Variants in LYZL4 observed in about 807,000 individuals in gnomAD.
LYZL4 encodes the protein lysozyme-like protein 4.
LYZL4 carries 13 observed loss-of-function variants against 17.6 expected under a neutral mutation model. The ratio of observed to expected loss-of-function variants is 0.74; its 90% CI spans 0.48 to 1.18. LYZL4 has a LOEUF of 1.18. Among genes scored for constraint, LYZL4 ranks in the 50% most tolerant of loss-of-function variants. The pLI is 0.00. For missense variants in LYZL4, 174 were observed against 188.2 expected, an observed-to-expected ratio of 0.92 and a Z score of 0.44; for synonymous variants, 64 against 67.7, an observed-to-expected ratio of 0.95 and a Z score of 0.27.
At chr3:42,406,070 C>T (rs1453362521) in intron 3 of LYZL4, among the ~76,000 whole-genome samples, 1 of 152,140 alleles carries the variant, frequency 6.6e-6, no homozygotes, top group African/African-American at 2.4e-5. Context: ...CGCCTAAGAG[C>T]AGTGGGCAAG....
the LYZL4 span, among the ~76,000 whole-genome samples, chr3:42,361,610 G>A: frequency 6.6e-6 from 1 of 151,630 alleles, no homozygotes; most frequent in East Asian, 1.9e-4. Context: ...CACACCTGTT[G>A]TTCCAGCTAT....
chr3:42,374,502 T>C, the LYZL4 span, among the ~76,000 whole-genome samples: 2 of 152,234 alleles, frequency 1.3e-5, no homozygotes, highest in African/African-American at 2.4e-5. Context: ...GATGGTTTCA[T>C]GCCAACCAAC....
At chr3:42,377,263 T>A in the LYZL4 span, among the ~76,000 whole-genome samples, 43,140 of 151,984 alleles carry the variant, frequency 0.28, 6,471 homozygotes, top group Non-Finnish European at 0.33. Context: ...GACTATACAA[T>A]CTCCTTTAAC....
the LYZL4 span, among the ~76,000 whole-genome samples, chr3:42,376,181 T>G: frequency 9.2e-5 from 14 of 152,232 alleles, no homozygotes; most frequent in African/African-American, 1.4e-4. Context: ...TGTGCAGAAG[T>G]GCAGAGGCCC....
chr3:42,370,756 A>G, the LYZL4 span, among the ~76,000 whole-genome samples: 1 of 152,308 alleles, frequency 6.6e-6, no homozygotes, highest in Non-Finnish European at 1.5e-5. Context: ...ACATTCTTCT[A>G]ATAAATTCCT....
the LYZL4 span, among the ~76,000 whole-genome samples, chr3:42,387,443 T>C: frequency 6.6e-6 from 1 of 152,178 alleles, no homozygotes; most frequent in Non-Finnish European, 1.5e-5. Context: ...CCTCTCACAG[T>C]AACAGTTTGA....
chr3:42,381,749 A>ATATATATACACTGTATATATATATACAG, the LYZL4 span, among the ~76,000 whole-genome samples: 1 of 152,206 alleles, frequency 6.6e-6, no homozygotes, highest in African/African-American at 2.4e-5. Flanking sequence ...GATCACTGTA[A>ATATATATACACTGTATATATATATACAG]AATATAAAAT....
intron 1 of LYZL4, among the ~76,000 whole-genome samples, chr3:42,408,722 G>A (rs537201057): frequency 6.6e-6 from 1 of 152,114 alleles, no homozygotes; most frequent in Non-Finnish European, 1.5e-5. Flanking sequence ...CCTCCTGTTT[G>A]TCACCGTTCA....
At chr3:42,377,625 CTGTGTG>C in the LYZL4 span, among the ~76,000 whole-genome samples, 3,555 of 143,774 alleles carry the variant, frequency 0.025, 52 homozygotes, top group South Asian at 0.033. Flanking sequence ...GCATGACTCT[CTGTGTG>C]TGTGTGTGTG....
chr3:42,393,719 A>T (rs1377309326), downstream of LYZL4, among the ~76,000 whole-genome samples: 1 of 152,146 alleles, frequency 6.6e-6, no homozygotes. Flanking sequence ...CCTGGACCAC[A>T]TCTCTGGAAA....
chr3:42,389,118 T>C, the LYZL4 span, among the ~76,000 whole-genome samples: 1 of 152,160 alleles, frequency 6.6e-6, no homozygotes, highest in Non-Finnish European at 1.5e-5. Flanking sequence ...CTCCCCTGGG[T>C]GGTGGGAGCC....
At chr3:42,385,268 T>C in the LYZL4 span, among the ~76,000 whole-genome samples, 1 of 152,210 alleles carries the variant, frequency 6.6e-6, no homozygotes, top group Non-Finnish European at 1.5e-5. Flanking sequence ...CAACAAGTGG[T>C]GGTCCCATAC....
At chr3:42,370,827 TAG>T in the LYZL4 span, among the ~76,000 whole-genome samples, 1 of 152,350 alleles carries the variant, frequency 6.6e-6, no homozygotes, top group East Asian at 1.9e-4. Flanking sequence ...TGCTGACTGG[TAG>T]AGTTCGTCTA....
chr3:42,396,569 G>C (rs1306065724), downstream of LYZL4, among the ~76,000 whole-genome samples: 3 of 152,006 alleles, frequency 2.0e-5, no homozygotes, highest in African/African-American at 7.2e-5. Context: ...TGGCATTTTT[G>C]AAAAAGAATA....
chr3:42,373,477 T>TCA, the LYZL4 span, among the ~76,000 whole-genome samples: 1 of 152,016 alleles, frequency 6.6e-6, no homozygotes, highest in African/African-American at 2.4e-5. Context: ...GGTTACTATT[T>TCA]CACACACACA....
chr3:42,407,363 G>A lies in LYZL4; in HGVS notation c.-92-20C>T, dbSNP rs1408677748. 6.4e-6 allele frequency: 9 copies of A among 1,415,496 alleles called. No homozygotes were observed. The highest frequency in any genetic ancestry group is 1.4e-5 in the African/African-American group (1 of 70,038). The allele number at this position is 1,415,496 out of a possible 1,614,324, so 87.7% of individuals were successfully genotyped here. The stretch of plus-strand genomic sequence containing the variant: ...AGGGCACTGTGGGGGTGGGGGTGGA[G>A]CACAGTTCAGTGTCATCAGAAAAAT... On this transcript the variant is annotated intron_variant, in intron 1 of 4. Transcript: ENST00000287748.
chr3:42,404,975 A>C (rs2125602340), intron 3 of LYZL4, among the ~76,000 whole-genome samples: 1 of 152,174 alleles, frequency 6.6e-6, no homozygotes, highest in East Asian at 1.9e-4. Context: ...ATTCCATTTT[A>C]TGTTCACAGA....
chr3:42,389,730 A>G, the LYZL4 span, among the ~76,000 whole-genome samples: 5 of 152,322 alleles, frequency 3.3e-5, no homozygotes, highest in East Asian at 3.9e-4. Context: ...ATGCAGCAGC[A>G]TGGCATCATC....
At chr3:42,363,959 C>T in the LYZL4 span, among the ~76,000 whole-genome samples, 3 of 152,140 alleles carry the variant, frequency 2.0e-5, no homozygotes, top group Non-Finnish European at 2.9e-5. Flanking sequence ...CACTGTGATG[C>T]GGTGACCTGG....
Sources: allele counts gnomAD v4.1 joint callset (sites outside exome capture counted in the v4.1 genomes callset), GRCh38; gene constraint gnomAD v4.1.1; transcripts MANE v1.5; gene names NCBI Gene and HGNC (gene_info 2026-07-23, HGNC 2026-07-21).